Variants in FAM222B observed in about 807,000 individuals in gnomAD.
FAM222B encodes protein FAM222B.
A neutral mutation model predicts 38.0 loss-of-function variants in FAM222B; 12 were observed. The observed-to-expected ratio is 0.32, with a 90% confidence interval of 0.20 to 0.51. The LOEUF (loss-of-function observed/expected upper bound fraction) is 0.51, where lower values mean the gene tolerates loss of function less well. Ranked by LOEUF, FAM222B falls within the 20% of genes least tolerant of loss-of-function variation. FAM222B has a pLI of 0.97. For synonymous variants in FAM222B, 329 were observed against 317.2 expected (o/e 1.04, Z -0.40); for missense variants, 716 against 754.2 (o/e 0.95, Z 0.59).
At chr17:28,823,875 A>ATTTTTT (rs367743538) in intron 1 of FAM222B, among the ~76,000 whole-genome samples, 1 of 134,074 alleles carries the variant, frequency 7.5e-6, no homozygotes, top group Non-Finnish European at 1.6e-5. Context: ...CCAAAAGAGA[A>ATTTTTT]TTTTTTTTTT....
intron 1 of FAM222B, among the ~76,000 whole-genome samples, chr17:28,811,645 CCAA>C (rs978240279): frequency 6.6e-6 from 1 of 152,172 alleles, no homozygotes; most frequent in Non-Finnish European, 1.5e-5. Flanking sequence ...TCAGGTTTCT[CCAA>C]CAGAGATGAG....
chr17:28,837,620 G>A (rs552235969), intron 1 of FAM222B, among the ~76,000 whole-genome samples: 2 of 151,532 alleles, frequency 1.3e-5, no homozygotes, highest in South Asian at 2.1e-4. Context: ...TAATAAGACA[G>A]AAATAGATAT....
chr17:28,811,001 C>T (rs974754500), intron 1 of FAM222B, among the ~76,000 whole-genome samples: 1 of 152,066 alleles, frequency 6.6e-6, no homozygotes, highest in Non-Finnish European at 1.5e-5. Context: ...TCGTGGGAAA[C>T]TGAACCTGTA....
At chr17:28,837,640 CTTTTT>C (rs2038892168) in intron 1 of FAM222B, among the ~76,000 whole-genome samples, 1 of 150,398 alleles carries the variant, frequency 6.6e-6, no homozygotes, top group South Asian at 2.1e-4. Flanking sequence ...TTAAATACTT[CTTTTT>C]GTTTTTTTTT....
At position 28,799,584 on chromosome 17, in the gene FAM222B, C is replaced by T. The variant is rs560134815; in HGVS notation, c.-40-32877G>A. Among the ~76,000 whole-genome samples the T allele has an allele frequency of 3.3e-5, 5 of 152,236 alleles. No individual in the cohort carries two copies. In the South Asian group the frequency reaches 1.0e-3, roughly 32 times the overall value. ...TCGGCCTACCAAAGTGCTGGGATTA[C>T]AGGCGTGAGCCACCGCGCCCAGCCA... is the stretch of plus-strand genomic sequence containing the variant. On this transcript the variant is annotated intron_variant, in intron 1 of 2. Transcript: ENST00000581407.
In FAM222B at chr17:28,758,116, C is replaced by G. The variant is rs1300878831; in HGVS notation, c.*154G>C. The stretch of plus-strand genomic sequence containing the variant: ...GGAGGGGAGGACGAGAGGACCCCTT[C>G]TGTCCCCACTTAGATCCCACCAAAT... On this transcript the variant is annotated 3_prime_UTR_variant, in exon 3 of 3. Transcript: ENST00000581407. 2 of 682,352 alleles carry G rather than the reference C, an allele frequency of 2.9e-6. No homozygotes were observed. Among genetic ancestry groups the G allele is most frequent in the African/African-American group, 3.6e-5 (2 of 55,196 alleles). The allele number at this position is 682,352 out of a possible 1,614,324, so 42.3% of individuals were successfully genotyped here.
At chr17:28,771,861 T>A (rs2035650621) in intron 1 of FAM222B, among the ~76,000 whole-genome samples, 1 of 152,098 alleles carries the variant, frequency 6.6e-6, no homozygotes, top group Non-Finnish European at 1.5e-5. Context: ...GAGACTATCC[T>A]GGCTAACACA....
In FAM222B at chr17:28,852,867, G is replaced by A. The variant is rs575040228; in HGVS notation, c.-41+2083C>T. ...AGGCAAGGAGTTCGTAACCAGCCTGGGCAACATAGTGAGACTCTGTCTCTG... is the reference window on the plus strand; with the variant it reads ...AGGCAAGGAGTTCGTAACCAGCCTGAGCAACATAGTGAGACTCTGTCTCTG... On this transcript the variant is annotated intron_variant, in intron 1 of 2. Transcript: ENST00000577513. 2.0e-5 allele frequency among the ~76,000 whole-genome samples: 3 copies of A among 152,166 alleles called. No individual in the cohort carries two copies. In the East Asian group the frequency reaches 5.8e-4, roughly 29 times the overall value.
At chr17:28,774,288 T>C (rs776692010) in intron 1 of FAM222B, among the ~76,000 whole-genome samples, 3 of 152,182 alleles carry the variant, frequency 2.0e-5, no homozygotes, top group Non-Finnish European at 2.9e-5. Flanking sequence ...TGTTTCAGAA[T>C]GCAACTCTTA....
At chr17:28,783,430 A>C (rs2036246772) in intron 1 of FAM222B, among the ~76,000 whole-genome samples, 1 of 152,136 alleles carries the variant, frequency 6.6e-6, no homozygotes, top group Non-Finnish European at 1.5e-5. Flanking sequence ...CTAAATTTGA[A>C]TCCCAGCTCT....
chr17:28,849,227 C>G (rs1271159017), intron 1 of FAM222B: 1 of 150,062 alleles, frequency 6.7e-6, no homozygotes, highest in African/African-American at 2.5e-5. Flanking sequence ...CGCCACTGCA[C>G]TCCAGCCTGG....
chr17:28,845,307 G>A (rs1313717590), upstream of FAM222B, among the ~76,000 whole-genome samples: 5 of 151,404 alleles, frequency 3.3e-5, no homozygotes. Context: ...AGGCTGAGGC[G>A]GGAGAATGGC....
chr17:28,763,960 C>T (rs2035205817), intron 2 of FAM222B, among the ~76,000 whole-genome samples: 1 of 152,122 alleles, frequency 6.6e-6, no homozygotes, highest in African/African-American at 2.4e-5. Flanking sequence ...GTCCCCAGAG[C>T]CCCAGTGTTC....
At chr17:28,799,729 T>G (rs2037130349) in intron 1 of FAM222B, among the ~76,000 whole-genome samples, 1 of 152,060 alleles carries the variant, frequency 6.6e-6, no homozygotes, top group African/African-American at 2.4e-5. Flanking sequence ...TGCCTCAATC[T>G]CCTGAGTAAG....
intron 1 of FAM222B, among the ~76,000 whole-genome samples, chr17:28,804,737 T>C (rs2037400897): frequency 6.6e-6 from 1 of 152,054 alleles, no homozygotes; most frequent in Non-Finnish European, 1.5e-5. Context: ...TATACTACTT[T>C]TGATGATTAA....
intron 1 of FAM222B, among the ~76,000 whole-genome samples, chr17:28,773,172 GC>G (rs2035719226): frequency 6.6e-6 from 1 of 151,892 alleles, no homozygotes; most frequent in South Asian, 2.1e-4. Flanking sequence ...TGTGATCCTT[GC>G]TTTAAGAATT....
chr17:28,791,580 C>CA (rs982672815), intron 1 of FAM222B, among the ~76,000 whole-genome samples: 7 of 148,292 alleles, frequency 4.7e-5, no homozygotes, highest in East Asian at 2.0e-4. Context: ...AAACAAAAAA[C>CA]AAAAAAACAC....
At chr17:28,811,899 C>T (rs2037783404) in intron 1 of FAM222B, among the ~76,000 whole-genome samples, 1 of 152,054 alleles carries the variant, frequency 6.6e-6, no homozygotes, top group Non-Finnish European at 1.5e-5. Flanking sequence ...CCTAGCTTGC[C>T]TTTTCTTTTT....
chr17:28,765,868 C>T (rs1453594132), intron 2 of FAM222B, among the ~76,000 whole-genome samples: 1 of 152,148 alleles, frequency 6.6e-6, no homozygotes, highest in Non-Finnish European at 1.5e-5. Context: ...GAACTAAAGT[C>T]ACACTGACTC....
Sources: allele counts gnomAD v4.1 joint callset (sites outside exome capture counted in the v4.1 genomes callset), GRCh38; gene constraint gnomAD v4.1.1; transcripts MANE v1.5; gene names NCBI Gene and HGNC (gene_info 2026-07-23, HGNC 2026-07-21).